The following MVB12A variants were observed in gnomAD, a reference collection of about 807,000 sequenced individuals.
MVB12A encodes CIN85/CD2AP family binding protein.
In MVB12A, 30 loss-of-function variants were observed where a neutral mutation model predicts 34.3. The ratio of observed to expected loss-of-function variants is 0.88; its 90% CI spans 0.65 to 1.19. MVB12A has a LOEUF of 1.19. MVB12A is among the 50% of genes most tolerant of loss of function. The probability of loss-of-function intolerance (pLI) is 0.00; values close to 1 mark genes in which losing one functional copy is unlikely to be tolerated. For synonymous variants in MVB12A, 158 were observed against 158.9 expected (o/e 0.99, Z 0.04); for missense variants, 355 against 369.2 (o/e 0.96, Z 0.31).
At chr19:17,412,406 A>T (rs1402804304) in intron 2 of MVB12A, among the ~76,000 whole-genome samples, 1 of 152,170 alleles carries the variant, frequency 6.6e-6, no homozygotes, top group Non-Finnish European at 1.5e-5. Flanking sequence ...AGGTGGGATC[A>T]AAGGTGTGTG....
upstream of MVB12A, chr19:17,419,302 T>C (rs1033485257): frequency 3.3e-5 from 5 of 152,172 alleles, no homozygotes; most frequent in African/African-American, 1.2e-4. Context: ...GGCCAGTGAA[T>C]AAAACCTGAT....
rs577412362 is a variant in MVB12A at position 17,423,286 on chromosome 19, G to T, written c.414-212G>T. On this transcript the variant is annotated intron_variant, in intron 4 of 8. Transcript: ENST00000317040. ...AGGCAGGAGAATCGTTTGAACCTGG[G>T]AGGTGGAGATTGCAGTGAGTCTAGA... 2.0e-5 allele frequency among the ~76,000 whole-genome samples: 3 copies of T among 151,052 alleles called. No individual in the cohort carries two copies. In the South Asian group the frequency reaches 6.3e-4, roughly 32 times the overall value.
chr19:17,412,634 A>G (rs202208217), intron 2 of MVB12A, among the ~76,000 whole-genome samples: 1 of 152,196 alleles, frequency 6.6e-6, no homozygotes, highest in Admixed American at 6.5e-5. Context: ...TGTCCACACA[A>G]ATTAGAAACT....
chr19:17,423,360 CAA>C (rs375399762), intron 4 of MVB12A, 136 bp from the exon 5 acceptor site: 64,251 of 849,614 alleles, frequency 0.076, no homozygotes, highest in South Asian at 0.1. Context: ...ACTCCGTCCC[CAA>C]AAAAAAAAAA....
chr19:17,421,679 C>T (rs2074839529), intron 3 of MVB12A, among the ~76,000 whole-genome samples: 1 of 151,954 alleles, frequency 6.6e-6, no homozygotes. Flanking sequence ...TGGTGGTTCA[C>T]ACCTGTAATC....
intron 4 of MVB12A, 87 bp downstream of exon 4, chr19:17,422,545 GTCTC>G: frequency 7.4e-7 from 1 of 1,359,246 alleles, no homozygotes; most frequent in South Asian, 1.6e-5. Context: ...CACCCCTGAG[GTCTC>G]CTGTTCCTTC....
upstream of MVB12A, chr19:17,415,647 T>A (rs2074794939): frequency 1.3e-5 from 2 of 152,262 alleles, no homozygotes. Context: ...TAAAAGTAAA[T>A]CAAGCCCCTT....
intron 2 of MVB12A, chr19:17,414,220 A>G (rs10416855): frequency 0.26 from 40,270 of 152,076 alleles, 7,131 homozygotes; most frequent in African/African-American, 0.51. Context: ...GGCGGAGGTC[A>G]CAGTGAGCCG....
chr19:17,421,329 C>T (rs1253536206), intron 3 of MVB12A, among the ~76,000 whole-genome samples: 1 of 151,922 alleles, frequency 6.6e-6, no homozygotes, highest in African/African-American at 2.4e-5. Flanking sequence ...GGATTACAGG[C>T]ATGCGCCACC....
chr19:17,407,800 T>C (rs1362554703), intron 2 of MVB12A, among the ~76,000 whole-genome samples: 1 of 152,006 alleles, frequency 6.6e-6, no homozygotes, highest in Non-Finnish European at 1.5e-5. Context: ...TTCTCCAAAC[T>C]CCCCCAGGGA....
intron 4 of MVB12A, 92 bp downstream of exon 4, chr19:17,422,550 C>T (rs2074845076): frequency 2.4e-6 from 3 of 1,271,134 alleles, no homozygotes; most frequent in Non-Finnish European, 3.2e-6. Context: ...CTGAGGTCTC[C>T]TGTTCCTTCT....
At position 17,422,239 on chromosome 19, in the gene MVB12A, C is replaced by T. The variant is rs552025430; in HGVS notation, c.287-93C>T. 1,508 of 1,292,384 alleles carry T rather than the reference C, an allele frequency of 1.2e-3. 2 individuals carry two copies. The highest frequency in any genetic ancestry group is 1.5e-3 in the Non-Finnish European group (1,419 of 931,352). 80.1% of individuals were successfully genotyped at this position (1,292,384 alleles called of 1,614,324 possible). ...ATGTTGTCCATGTGGCTGCCTTAAA[C>T]AGCACCCTGGCGAGCCTCATCCTAG... On this transcript the variant is annotated intron_variant, in intron 3 of 8. Coordinates refer to ENST00000317040, the MANE Select transcript of MVB12A (RefSeq NM_138401.4).
At chr19:17,406,844 A>G (rs1568386037) in intron 2 of MVB12A, among the ~76,000 whole-genome samples, 4 of 152,290 alleles carry the variant, frequency 2.6e-5, no homozygotes, top group South Asian at 4.1e-4. Flanking sequence ...CTTAGAACCA[A>G]GAACCAATTA....
Position 17,422,364 on chromosome 19 carries a change from G to A in MVB12A, c.319G>A (p.Val107Met). 6.2e-7 allele frequency: 1 copy of A among 1,613,542 alleles called. No homozygotes were observed. Among genetic ancestry groups the A allele is most frequent in the Non-Finnish European group, 8.5e-7 (1 of 1,179,736 alleles). The change falls in exon 4 of 9, where the codon GTG (valine) becomes ATG (methionine). Residue 107 changes from valine to methionine, a missense_variant. Physicochemically the swap from Val to Met is conservative, Grantham distance 21. Transcript: ENST00000317040. ...ASVSKKKRMC[V>M]KLLPLGATDT... Reference sequence around the variant, plus strand: ...TGTGTCCAAGAAGAAACGCATGTGTGTGAAGCTGTTGCCCCTGGGAGCCAC... The same window carrying A: ...TGTGTCCAAGAAGAAACGCATGTGTATGAAGCTGTTGCCCCTGGGAGCCAC...
intron 2 of MVB12A, among the ~76,000 whole-genome samples, chr19:17,411,750 C>A (rs746952704): frequency 1.2e-4 from 19 of 152,108 alleles, no homozygotes; most frequent in Non-Finnish European, 2.6e-4. Context: ...CCTTCCTCAG[C>A]CTCCCAAGGT....
chr19:17,410,593 C>CATATATATACACGTAT (rs1555734742), intron 2 of MVB12A, among the ~76,000 whole-genome samples: 158 of 125,990 alleles, frequency 1.3e-3, no homozygotes, highest in African/African-American at 5.5e-3. Flanking sequence ...TATATACACA[C>CATATATATACACGTAT]ATATATATAT....
intron 3 of MVB12A, chr19:17,421,248 G>C (rs934042572): frequency 5.5e-6 from 2 of 362,216 alleles, no homozygotes; most frequent in Non-Finnish European, 1.1e-5. Context: ...GCAATGGCGC[G>C]ATCTCAGCTC....
At chr19:17,413,174 A>C (rs1239481951) in intron 2 of MVB12A, 2 of 151,826 alleles carry the variant, frequency 1.3e-5, no homozygotes, top group Admixed American at 1.3e-4. Context: ...AAGGAACTTC[A>C]GTGTTGTGTG....
chr19:17,422,921 G>C (rs1222286227), intron 4 of MVB12A: 1 of 152,472 alleles, frequency 6.6e-6, no homozygotes, highest in African/African-American at 2.4e-5. Flanking sequence ...CTGCACTCCA[G>C]TCTGGGGCGA....
Sources: gnomAD v4.1 joint callset for allele counts (sites outside exome capture counted in the v4.1 genomes callset) on GRCh38, gnomAD v4.1.1 for gene constraint, MANE v1.5 for transcripts, NCBI Gene and HGNC (gene_info 2026-07-23, HGNC 2026-07-21) for gene names.